UBR3: variants seen among roughly 807,000 people sequenced by gnomAD.
UBR3 encodes the protein ubiquitin protein ligase E3 component n-recognin 3.
UBR3 carries 85 observed loss-of-function variants against 243.2 expected under a neutral mutation model. The observed-to-expected ratio is 0.35, with a 90% CI of 0.29 to 0.42. UBR3 has a LOEUF of 0.42. Among genes scored for constraint, UBR3 ranks in the 10% least tolerant of loss-of-function variants. The probability of loss-of-function intolerance (pLI) is 1.00; values close to 1 mark genes in which losing one functional copy is unlikely to be tolerated. For missense variants in UBR3, 1,686 were observed against 2,300.8 expected, an observed-to-expected ratio of 0.73 and a Z score of 5.47; for synonymous variants, 748 against 799.8, an observed-to-expected ratio of 0.94 and a Z score of 1.09.
chr2:169,985,017 A>T (rs1461114807), intron 24 of UBR3, among the ~76,000 whole-genome samples: 4 of 51,000 alleles, frequency 7.8e-5, no homozygotes, highest in African/African-American at 1.2e-4. Context: ...AAGACTTATT[A>T]AAAAAAAAAA....
Position 169,881,970 on chromosome 2 carries a change from AATTAT to A in UBR3, c.1038+3404_1038+3408del, listed in dbSNP as rs200165656. Among the ~76,000 whole-genome samples the A allele has an allele frequency of 9.0e-3, 931 of 103,536 alleles. 12 individuals carry two copies. Among genetic ancestry groups the A allele is most frequent in the African/African-American group, 0.027 (822 of 30,984 alleles). The allele number at this position is 103,536 out of a possible 152,430, so 67.9% of individuals were successfully genotyped here. On this transcript the variant is annotated intron_variant, in intron 5 of 38. Transcript: ENST00000272793. The stretch of plus-strand genomic sequence containing the variant: ...CATATGTATGTATACATACATATGT[AATTAT>A]ATTATATATGTATATGTATATTTAT...
chr2:170,063,776 TC>T (rs1451236965), intron 35 of UBR3, among the ~76,000 whole-genome samples: 1 of 152,172 alleles, frequency 6.6e-6, no homozygotes, highest in Non-Finnish European at 1.5e-5. Context: ...CCAGGCTGCC[TC>T]CAACTCTTTG....
intron 5 of UBR3, among the ~76,000 whole-genome samples, chr2:169,881,398 T>A (rs1239488889): frequency 6.6e-6 from 1 of 151,848 alleles, no homozygotes; most frequent in South Asian, 2.1e-4. Flanking sequence ...AGGCTGGTGT[T>A]GAACTCCTGA....
At chr2:169,969,561 T>G (rs532677194) in intron 24 of UBR3, among the ~76,000 whole-genome samples, 4 of 151,524 alleles carry the variant, frequency 2.6e-5, no homozygotes, top group Admixed American at 6.6e-5. Context: ...TTTTTTTTTT[T>G]TTTGTTAGAT....
intron 10 of UBR3, among the ~76,000 whole-genome samples, chr2:169,911,316 T>C (rs1272910073): frequency 6.6e-6 from 1 of 152,160 alleles, no homozygotes; most frequent in African/African-American, 2.4e-5. Context: ...AGAAGATTAA[T>C]GTGGTCTTGA....
At chr2:170,067,530 T>C (rs1270811744) in intron 35 of UBR3, among the ~76,000 whole-genome samples, 1 of 152,010 alleles carries the variant, frequency 6.6e-6, no homozygotes, top group Admixed American at 6.6e-5. Flanking sequence ...CTATAACTTC[T>C]CCAACAAACA....
intron 32 of UBR3, among the ~76,000 whole-genome samples, chr2:170,051,832 C>T (rs2091225208): frequency 6.6e-6 from 1 of 152,022 alleles, no homozygotes. Flanking sequence ...GAATATTTTT[C>T]TTGACTTTGA....
intron 25 of UBR3, among the ~76,000 whole-genome samples, chr2:169,993,122 A>G (rs1441958083): frequency 6.6e-6 from 1 of 152,182 alleles, no homozygotes; most frequent in African/African-American, 2.4e-5. Flanking sequence ...TAACATTAGT[A>G]ACATCAAATA....
At position 169,967,268 on chromosome 2, in the gene UBR3, C is replaced by T. The variant is rs189021841; in HGVS notation, c.3634+8742C>T. 7.6e-3 allele frequency among the ~76,000 whole-genome samples: 1,061 copies of T among 139,654 alleles called. 12 individuals are homozygous for T. The highest frequency in any genetic ancestry group is 0.025 in the African/African-American group (965 of 37,932). The allele number at this position is 139,654 out of a possible 152,430, so 91.6% of individuals were successfully genotyped here. A position where few individuals can be genotyped will look rare whatever the true frequency, so the allele number is the denominator to read the frequency against. On this transcript the variant is annotated intron_variant, in intron 24 of 38. Coordinates refer to ENST00000272793, the MANE Select transcript of UBR3 (RefSeq NM_172070.4). ...CCCTACAGGGTATGCGCCCCCCGCCCCCCCCCACACACAGTTGGTAGCCTA... is the reference window on the plus strand; with the variant it reads ...CCCTACAGGGTATGCGCCCCCCGCCTCCCCCCACACACAGTTGGTAGCCTA...
intron 32 of UBR3, among the ~76,000 whole-genome samples, chr2:170,050,157 AC>A (rs892063571): frequency 1.3e-5 from 2 of 152,122 alleles, no homozygotes; most frequent in Non-Finnish European, 2.9e-5. Flanking sequence ...GTCTTTTTAA[AC>A]CGTTTGGATT....
At chr2:169,862,225 C>T (rs980507300) in intron 1 of UBR3, among the ~76,000 whole-genome samples, 3 of 150,072 alleles carry the variant, frequency 2.0e-5, no homozygotes, top group Admixed American at 2.0e-4. Flanking sequence ...TTTTTTTTTT[C>T]TGGTACCTTA....
chr2:169,849,035 CAT>C (rs1316226112), intron 1 of UBR3, among the ~76,000 whole-genome samples: 1 of 152,126 alleles, frequency 6.6e-6, no homozygotes, highest in Non-Finnish European at 1.5e-5. Flanking sequence ...GGAAAAGATA[CAT>C]ATATATTTAT....
chr2:169,843,383 G>A (rs1367389554), intron 1 of UBR3, among the ~76,000 whole-genome samples: 6 of 152,198 alleles, frequency 3.9e-5, no homozygotes, highest in Non-Finnish European at 7.3e-5. Context: ...TCATATGGTG[G>A]AAGAGTGGAT....
chr2:169,947,450 G>A, intron 21 of UBR3, 92 bp from the exon 22 acceptor site: 1 of 923,382 alleles, frequency 1.1e-6, no homozygotes. Context: ...ATTATGATAG[G>A]CAGTGGATGA....
At chr2:169,890,259 A>G (rs2084275887) in intron 5 of UBR3, among the ~76,000 whole-genome samples, 1 of 152,020 alleles carries the variant, frequency 6.6e-6, no homozygotes, top group South Asian at 2.1e-4. Context: ...TGGTTTTACA[A>G]GAGGCGGGCT....
chr2:169,889,392 T>G (rs564357709), intron 5 of UBR3, among the ~76,000 whole-genome samples: 18 of 152,244 alleles, frequency 1.2e-4, no homozygotes, highest in Admixed American at 1.0e-3. Flanking sequence ...ATGAAATAAT[T>G]CTCACCTAGG....
At chr2:169,884,261 T>TTCTGCC (rs1053665749) in intron 5 of UBR3, among the ~76,000 whole-genome samples, 1 of 151,578 alleles carries the variant, frequency 6.6e-6, no homozygotes, top group African/African-American at 2.4e-5. Flanking sequence ...GTTCACGCCA[T>TTCTGCC]TCTGCCTCAG....
chr2:169,939,399 C>T (rs1238401923), intron 19 of UBR3, among the ~76,000 whole-genome samples: 1 of 150,856 alleles, frequency 6.6e-6, no homozygotes, highest in Non-Finnish European at 1.5e-5. Context: ...GCTGGGACTA[C>T]AGGCGCCTGC....
intron 27 of UBR3, among the ~76,000 whole-genome samples, chr2:170,004,546 C>T (rs2089836543): frequency 6.6e-6 from 1 of 152,014 alleles, no homozygotes; most frequent in African/African-American, 2.4e-5. Context: ...GGTATAACCT[C>T]ATGCTCCTAG....
Sources: allele counts gnomAD v4.1 joint callset (sites outside exome capture counted in the v4.1 genomes callset), GRCh38; gene constraint gnomAD v4.1.1; transcripts MANE v1.5; gene names NCBI Gene and HGNC (gene_info 2026-07-23, HGNC 2026-07-21).